The following RFX3 variants were observed in gnomAD, a reference collection of about 807,000 sequenced individuals.
RFX3 encodes regulatory factor X3, also known as transcription factor RFX3.
Under a neutral mutation model 98.6 loss-of-function variants are expected in RFX3, and 14 were observed. That is an observed-to-expected ratio of 0.14 (90% CI 0.09 to 0.22). RFX3 has a LOEUF of 0.22. Among genes scored for constraint, RFX3 ranks in the 10% least tolerant of loss-of-function variants. The pLI, the probability that RFX3 is intolerant of heterozygous loss-of-function variation, is 1.00. For missense variants in RFX3, 639 were observed against 926.9 expected (o/e 0.69, Z 4.03); for synonymous variants, 383 against 328.4 (o/e 1.17, Z -1.80).
At chr9:3,455,395 A>C (rs962573619) in intron 1 of RFX3, among the ~76,000 whole-genome samples, 4 of 152,142 alleles carry the variant, frequency 2.6e-5, no homozygotes, top group African/African-American at 7.2e-5. Flanking sequence ...TTACTAAGCA[A>C]ATCAAATGCT....
intron 2 of RFX3, chr9:3,394,966 G>A: frequency 2.9e-6 from 1 of 339,046 alleles, no homozygotes; most frequent in Non-Finnish European, 4.2e-6. Flanking sequence ...TCCAGACCTT[G>A]AAGATTATTC....
At chr9:3,524,512 T>A (rs1819018355) in intron 1 of RFX3, 13 of 982,820 alleles carry the variant, frequency 1.3e-5, no homozygotes, top group Non-Finnish European at 1.4e-5. Context: ...ACATTCTTTA[T>A]GAACTTGACT....
chr9:3,339,076 A>G (rs1031627329), intron 3 of RFX3, among the ~76,000 whole-genome samples: 2 of 152,126 alleles, frequency 1.3e-5, no homozygotes, highest in Non-Finnish European at 2.9e-5. Flanking sequence ...GCGACAGAGC[A>G]AGACTCCAAC....
intron 1 of RFX3, among the ~76,000 whole-genome samples, chr9:3,502,142 C>T (rs187401596): frequency 0.035 from 5,265 of 150,976 alleles, 122 homozygotes; most frequent in Non-Finnish European, 0.057. Flanking sequence ...GCCTGTAGTC[C>T]CAGCTACTCG....
In RFX3 at chr9:3,247,575, A is replaced by C. The variant is rs1178095089; in HGVS notation, c.1968+457T>G. On this transcript the variant is annotated intron_variant, in intron 15 of 16. Transcript: ENST00000617270. ...CTCGCACATAGTAAGTGTCCAAAAA[A>C]TGTTAGTTATCATCATTACCATTTT... 5 of 1,218,454 alleles carry C rather than the reference A, an allele frequency of 4.1e-6. No homozygotes were observed. In the East Asian group the frequency reaches 2.2e-4, roughly 53 times the overall value. 75.5% of individuals were successfully genotyped at this position (1,218,454 alleles called of 1,614,324 possible).
At position 3,265,657 on chromosome 9, in the gene RFX3, T is replaced by G. The variant is rs150307046; in HGVS notation, c.1455+551A>C. Among the ~76,000 whole-genome samples the G allele has an allele frequency of 2.3e-3, 357 of 152,318 alleles. 1 individual carries two copies. Among genetic ancestry groups the G allele is most frequent in the African/African-American group, 8.4e-3 (348 of 41,576 alleles). Reference sequence around the variant, plus strand: ...ACTAAAATTTGTATCTCTAGCTAAATAATCCACATTCCTGAGATATATTGA... The same window carrying G: ...ACTAAAATTTGTATCTCTAGCTAAAGAATCCACATTCCTGAGATATATTGA... On this transcript the variant is annotated intron_variant, in intron 12 of 16. Transcript: ENST00000617270.
In RFX3 at chr9:3,444,575, T is replaced by G. The variant is rs971154890; in HGVS notation, c.-8-48979A>C. 3.9e-5 allele frequency among the ~76,000 whole-genome samples: 6 copies of G among 152,324 alleles called. No individual in the cohort carries two copies. The South Asian group carries it at 6.2e-4, about 16-fold the overall frequency. The stretch of plus-strand genomic sequence containing the variant: ...TAAAAGTTAACTATATGCAGTTTAT[T>G]GTATGCCAAATATACCACAACAAAG... On this transcript the variant is annotated intron_variant, in intron 1 of 16. Transcript: ENST00000617270.
In RFX3 at chr9:3,219,712, T is replaced by A. The variant is rs996380383; in HGVS notation, c.*5330A>T. On this transcript the variant is annotated 3_prime_UTR_variant, in exon 17 of 17. Transcript: ENST00000617270. ...CAAACTGAGAAGCATTTACAGTAAA[T>A]CATCATGAAGAATTCAAAAGAAGAG... is the stretch of plus-strand genomic sequence containing the variant. 3.3e-5 allele frequency: 5 copies of A among 152,066 alleles called. No homozygotes were observed. Among genetic ancestry groups the A allele is most frequent in the African/African-American group, 1.2e-4 (5 of 41,386 alleles). 9.4% of individuals were successfully genotyped at this position (152,066 alleles called of 1,614,324 possible).
chr9:3,483,409 C>A (rs575472327), intron 1 of RFX3, among the ~76,000 whole-genome samples: 2 of 152,062 alleles, frequency 1.3e-5, no homozygotes, highest in Non-Finnish European at 2.9e-5. Context: ...CAGACTACTG[C>A]ATAACAGGTA....
intron 3 of RFX3, among the ~76,000 whole-genome samples, chr9:3,338,167 T>A (rs376041970): frequency 6.6e-6 from 1 of 152,122 alleles, no homozygotes; most frequent in East Asian, 1.9e-4. Flanking sequence ...TACATAAGAA[T>A]AAAAAAGAAT....
At chr9:3,482,830 A>G (rs936243091) in intron 1 of RFX3, among the ~76,000 whole-genome samples, 1 of 152,188 alleles carries the variant, frequency 6.6e-6, no homozygotes, top group African/African-American at 2.4e-5. Flanking sequence ...TGCATATGTA[A>G]GGGCCTAGAG....
chr9:3,347,788 T>C (rs1834609391), intron 2 of RFX3, among the ~76,000 whole-genome samples: 1 of 152,170 alleles, frequency 6.6e-6, no homozygotes, highest in African/African-American at 2.4e-5. Context: ...ACTGTGCCAT[T>C]GCACTCCAGC....
intron 16 of RFX3, among the ~76,000 whole-genome samples, chr9:3,227,090 T>G (rs1034836153): frequency 5.9e-5 from 9 of 152,160 alleles, no homozygotes; most frequent in Non-Finnish European, 1.2e-4. Flanking sequence ...CGTGGCCACA[T>G]CCAGCAGGTG....
intron 1 of RFX3, among the ~76,000 whole-genome samples, chr9:3,484,545 A>G (rs1185024085): frequency 6.6e-6 from 1 of 152,202 alleles, no homozygotes; most frequent in African/African-American, 2.4e-5. Context: ...TTAACTCTTA[A>G]GTACACATTT....
chr9:3,412,063 G>A (rs565599710), intron 1 of RFX3, among the ~76,000 whole-genome samples: 3 of 152,244 alleles, frequency 2.0e-5, no homozygotes, highest in African/African-American at 7.2e-5. Flanking sequence ...GTACTTAGAC[G>A]TAAGCCACAT....
At chr9:3,288,040 T>C (rs369406185) in intron 7 of RFX3, 91 bp downstream of exon 7, 1 of 1,214,392 alleles carries the variant, frequency 8.2e-7, no homozygotes. Flanking sequence ...AGAACGTTCT[T>C]TTATACTTAG....
At chr9:3,460,835 A>T (rs914733333) in intron 1 of RFX3, among the ~76,000 whole-genome samples, 1 of 151,904 alleles carries the variant, frequency 6.6e-6, no homozygotes, top group Non-Finnish European at 1.5e-5. Context: ...AGAAAAGACA[A>T]TGCTTCCCTA....
intron 1 of RFX3, among the ~76,000 whole-genome samples, chr9:3,502,887 AG>A (rs780542657): frequency 6.6e-6 from 1 of 152,186 alleles, no homozygotes; most frequent in Non-Finnish European, 1.5e-5. Context: ...ATTAACCATA[AG>A]TTGTTAACTT....
intron 15 of RFX3, among the ~76,000 whole-genome samples, chr9:3,234,152 C>G (rs576545): frequency 0.95 from 144,007 of 152,254 alleles, 68,587 homozygotes; most frequent in East Asian, 1. Flanking sequence ...AAAACTGATA[C>G]CAGCAAAATA....
Sources: allele counts gnomAD v4.1 joint callset (sites outside exome capture counted in the v4.1 genomes callset), GRCh38; gene constraint gnomAD v4.1.1; transcripts MANE v1.5; gene names NCBI Gene and HGNC (gene_info 2026-07-23, HGNC 2026-07-21).